GRM8: variants seen among roughly 807,000 people sequenced by gnomAD.
The protein encoded by GRM8 is glutamate metabotropic receptor 8, also known as metabotropic glutamate receptor 8.
GRM8 carries 47 observed loss-of-function variants against 87.2 expected under a neutral mutation model. The ratio of observed to expected loss-of-function variants is 0.54; its 90% CI spans 0.43 to 0.69. GRM8 has a LOEUF of 0.69. GRM8 is among the 30% of genes least tolerant of loss of function. The pLI, the probability that GRM8 is intolerant of heterozygous loss-of-function variation, is 0.00. For missense variants in GRM8, 1,019 were observed against 1,139.2 expected, an observed-to-expected ratio of 0.89 and a Z score of 1.52; for synonymous variants, 396 against 404.5, an observed-to-expected ratio of 0.98 and a Z score of 0.25.
chr7:126,472,307 G>A (rs1450441604), intron 9 of GRM8, among the ~76,000 whole-genome samples: 1 of 152,128 alleles, frequency 6.6e-6, no homozygotes, highest in African/African-American at 2.4e-5. Flanking sequence ...CATTCAGTAT[G>A]ATATTGGCTG....
At chr7:126,719,484 G>A (rs1437028432) in intron 7 of GRM8, among the ~76,000 whole-genome samples, 2 of 152,164 alleles carry the variant, frequency 1.3e-5, no homozygotes, top group Non-Finnish European at 2.9e-5. Flanking sequence ...ACTAAAAGGA[G>A]TCATGAACTA....
intron 3 of GRM8, among the ~76,000 whole-genome samples, chr7:126,982,196 C>A (rs911294492): frequency 1.3e-5 from 2 of 152,282 alleles, no homozygotes; most frequent in Admixed American, 6.5e-5. Flanking sequence ...CCAGTCTAAC[C>A]TTTTCATGCT....
chr7:126,825,787 G>T (rs1028845760), intron 6 of GRM8, among the ~76,000 whole-genome samples: 3 of 152,014 alleles, frequency 2.0e-5, no homozygotes, highest in African/African-American at 7.2e-5. Flanking sequence ...AGTTACATAT[G>T]TATACATGTG....
chr7:126,882,056 T>C (rs1241905429), intron 6 of GRM8, among the ~76,000 whole-genome samples: 2 of 152,236 alleles, frequency 1.3e-5, no homozygotes, highest in Admixed American at 6.5e-5. Flanking sequence ...GACAATTTTA[T>C]CTTACACTAG....
At chr7:127,145,663 T>A (rs1238067019) in intron 2 of GRM8, among the ~76,000 whole-genome samples, 1 of 152,100 alleles carries the variant, frequency 6.6e-6, no homozygotes, top group Non-Finnish European at 1.5e-5. Flanking sequence ...AAAATAAATA[T>A]GGGCCATTCA....
intron 8 of GRM8, among the ~76,000 whole-genome samples, chr7:126,559,166 T>C (rs1793445891): frequency 6.6e-6 from 1 of 150,882 alleles, no homozygotes; most frequent in South Asian, 2.1e-4. Context: ...TTTTTTTTTT[T>C]TTTTAAGGCA....
At position 127,015,742 on chromosome 7, in the gene GRM8, CTA is replaced by C. The variant is rs139706302; in HGVS notation, c.727+90752_727+90753del. Among the ~76,000 whole-genome samples, 912 of 152,164 alleles carry C rather than the reference CTA, an allele frequency of 6.0e-3. 9 individuals carry two copies. The highest frequency in any genetic ancestry group is 0.021 in the African/African-American group (867 of 41,550). Reference sequence around the variant, plus strand: ...ACCAGCACCAGGACTGGTTGTTACTCTATGTTTTTGATAGAGCTGATTTTCCT... The same window carrying C: ...ACCAGCACCAGGACTGGTTGTTACTCTGTTTTTGATAGAGCTGATTTTCCT... On this transcript the variant is annotated intron_variant, in intron 3 of 10. Transcript: ENST00000339582.
rs989307727 is a variant in GRM8, at chr7:126,487,827, T to G, written c.2431-41455A>C. Among the ~76,000 whole-genome samples the G allele has an allele frequency of 1.2e-3, 182 of 152,204 alleles. 1 individual carries two copies. Among genetic ancestry groups the G allele is most frequent in the Non-Finnish European group, 9.1e-4 (62 of 67,980 alleles). ...AATACATTTTCCAAAATTCTACTTT[T>G]TGCTTGAAAGCTCACATTTTATCAT... On this transcript the variant is annotated intron_variant, in intron 9 of 10. Coordinates refer to ENST00000339582, the MANE Select transcript of GRM8 (RefSeq NM_000845.3).
At chr7:126,961,492 G>A (rs552368816) in intron 3 of GRM8, among the ~76,000 whole-genome samples, 3 of 152,238 alleles carry the variant, frequency 2.0e-5, no homozygotes, top group Non-Finnish European at 4.4e-5. Flanking sequence ...AGATACTCAT[G>A]GGGCCTGTAA....
intron 3 of GRM8, among the ~76,000 whole-genome samples, chr7:127,012,672 T>C (rs534745677): frequency 7.9e-5 from 12 of 152,256 alleles, no homozygotes; most frequent in African/African-American, 1.4e-4. Context: ...TGCCATCATA[T>C]AGAATCACTG....
Position 126,446,209 on chromosome 7 carries a change from A to T in GRM8, c.2594T>A (p.Met865Lys). 6.2e-7 allele frequency: 1 copy of T among 1,613,040 alleles called. No homozygotes were observed. The highest frequency in any genetic ancestry group is 8.5e-7 in the Non-Finnish European group (1 of 1,179,382). The change falls in exon 10 of 11, where the codon ATG (methionine) becomes AAG (lysine). Residue 865 changes from methionine to lysine, a missense_variant. Physicochemically the swap from Met to Lys is moderately conservative, Grantham distance 95. Coordinates refer to ENST00000339582, the MANE Select transcript of GRM8 (RefSeq NM_000845.3). ...TCCTTTTTGGATCAGTTTGCTTTGC[A>T]TGGTGGCAGCTGTCACCACAGCCTT... The part of the protein sequence containing the change: ...SFKAVVTAAT[M>K]QSKLIQKGND...
intron 8 of GRM8, among the ~76,000 whole-genome samples, chr7:126,563,297 T>TAAAAA (rs59304756): frequency 2.0e-5 from 3 of 149,652 alleles, no homozygotes; most frequent in African/African-American, 5.0e-5. Flanking sequence ...GGTTTTTTTT[T>TAAAAA]AAAAAAAAAA....
At chr7:126,673,554 A>G (rs1176946631) in intron 7 of GRM8, among the ~76,000 whole-genome samples, 2 of 152,204 alleles carry the variant, frequency 1.3e-5, no homozygotes, top group East Asian at 3.8e-4. Context: ...ATGGATTCCC[A>G]TCCTCCCACT....
At chr7:126,877,888 GAAGTT>G (rs1263300612) in intron 6 of GRM8, among the ~76,000 whole-genome samples, 2 of 152,296 alleles carry the variant, frequency 1.3e-5, no homozygotes, top group Non-Finnish European at 2.9e-5. Context: ...TTGAACATGA[GAAGTT>G]AAGTGCTTGA....
chr7:127,105,293 T>G (rs1175397121), intron 3 of GRM8: 1 of 152,230 alleles, frequency 6.6e-6, no homozygotes, highest in Non-Finnish European at 1.5e-5. Flanking sequence ...AATGCACACT[T>G]ACAGCAGGTG....
chr7:126,530,689 G>A (rs1814668205), intron 9 of GRM8, among the ~76,000 whole-genome samples: 3 of 152,202 alleles, frequency 2.0e-5, no homozygotes, highest in Admixed American at 2.0e-4. Flanking sequence ...CAGCTCTTTG[G>A]TCCTCCAAGG....
chr7:127,216,681 C>A (rs17865484), intron 2 of GRM8, among the ~76,000 whole-genome samples: 4,325 of 152,232 alleles, frequency 0.028, 206 homozygotes, highest in African/African-American at 0.098. Flanking sequence ...CTGTGGCCTA[C>A]AAGGAGGTCC....
chr7:127,142,758 T>C (rs1315251230), intron 2 of GRM8, among the ~76,000 whole-genome samples: 3 of 152,032 alleles, frequency 2.0e-5, no homozygotes, highest in Non-Finnish European at 4.4e-5. Context: ...GCGAGACAGA[T>C]TGATTCAACA....
At position 127,102,694 on chromosome 7, in the gene GRM8, G is replaced by T. The variant is rs144811582; in HGVS notation, c.727+3802C>A. On this transcript the variant is annotated intron_variant, in intron 3 of 10. Transcript: ENST00000339582. ...TGGCACCCTCTCCCTACATTTCAGA[G>T]GATGTATGGAAAAGCCTGGGCACCC... Among the ~76,000 whole-genome samples the T allele has an allele frequency of 1.1e-3, 173 of 152,290 alleles. 1 individual carries two copies. Among genetic ancestry groups the T allele is most frequent in the African/African-American group, 4.1e-3 (172 of 41,556 alleles).
Sources: allele counts gnomAD v4.1 joint callset (sites outside exome capture counted in the v4.1 genomes callset), GRCh38; gene constraint gnomAD v4.1.1; transcripts MANE v1.5; gene names NCBI Gene and HGNC (gene_info 2026-07-23, HGNC 2026-07-21).